ZNF804B: variants seen among roughly 807,000 people sequenced by gnomAD.
The protein encoded by ZNF804B is zinc finger protein 804B.
ZNF804B carries 80 observed loss-of-function variants against 101.4 expected under a neutral mutation model. That is an observed-to-expected ratio of 0.79 (90% CI 0.66 to 0.95). ZNF804B has a LOEUF of 0.95. Among genes scored for constraint, ZNF804B ranks in the 40% least tolerant of loss-of-function variants. ZNF804B has a pLI of 0.00. For missense variants in ZNF804B, 1,673 were observed against 1,561.9 expected, an observed-to-expected ratio of 1.07 and a Z score of -1.20; for synonymous variants, 622 against 558.8, an observed-to-expected ratio of 1.11 and a Z score of -1.59.
intron 2 of ZNF804B, among the ~76,000 whole-genome samples, chr7:89,320,649 A>G (rs997433386): frequency 6.6e-6 from 1 of 152,130 alleles, no homozygotes; most frequent in African/African-American, 2.4e-5. Flanking sequence ...TAAAAGATAC[A>G]AAACTACAGA....
chr7:88,887,632 C>CT (rs1792148122), intron 1 of ZNF804B, among the ~76,000 whole-genome samples: 1 of 151,874 alleles, frequency 6.6e-6, no homozygotes, highest in Non-Finnish European at 1.5e-5. Flanking sequence ...CTGTAAACCA[C>CT]TTTTTAAAAA....
At chr7:89,144,926 A>T (rs77063574) in intron 1 of ZNF804B, among the ~76,000 whole-genome samples, 1 of 151,778 alleles carries the variant, frequency 6.6e-6, no homozygotes, top group Non-Finnish European at 1.5e-5. Context: ...GGCCAAATGG[A>T]GAAACTCCAT....
chr7:89,046,540 C>G (rs1207904122), intron 1 of ZNF804B, among the ~76,000 whole-genome samples: 1 of 152,272 alleles, frequency 6.6e-6, no homozygotes, highest in South Asian at 2.1e-4. Context: ...GTCTGAAATG[C>G]TGTCTAGGTA....
At chr7:88,813,655 G>A (rs1790827691) in intron 1 of ZNF804B, among the ~76,000 whole-genome samples, 1 of 152,022 alleles carries the variant, frequency 6.6e-6, no homozygotes, top group South Asian at 2.1e-4. Flanking sequence ...CTTGGATAAA[G>A]TCTAGACATA....
intron 1 of ZNF804B, among the ~76,000 whole-genome samples, chr7:89,172,865 T>G (rs1791258410): frequency 6.6e-6 from 1 of 152,182 alleles, no homozygotes; most frequent in Non-Finnish European, 1.5e-5. Flanking sequence ...GTAGTGTATA[T>G]TTCATTCTCA....
chr7:89,214,662 G>A (rs750030340), intron 1 of ZNF804B, among the ~76,000 whole-genome samples: 1 of 152,106 alleles, frequency 6.6e-6, no homozygotes, highest in Non-Finnish European at 1.5e-5. Context: ...TTATTCTTAA[G>A]TAGTCTGATC....
chr7:88,971,102 T>G lies in ZNF804B; in HGVS notation c.108+211018T>G, dbSNP rs550953110. On this transcript the variant is annotated intron_variant, in intron 1 of 3. Coordinates refer to ENST00000333190, the MANE Select transcript of ZNF804B (RefSeq NM_181646.5). ...TTCACACTTCAAGCAATGGCAGAAT[T>G]GAGTAGTTGCAACAGCTAGCAGATG... 3.3e-5 allele frequency among the ~76,000 whole-genome samples: 5 copies of G among 151,748 alleles called. No individual in the cohort carries two copies. The East Asian group carries it at 9.8e-4, about 30-fold the overall frequency.
chr7:89,120,922 G>C (rs890245342), intron 1 of ZNF804B, among the ~76,000 whole-genome samples: 2 of 152,178 alleles, frequency 1.3e-5, no homozygotes, highest in African/African-American at 4.8e-5. Flanking sequence ...TACTTGAGAA[G>C]CTACATTGCT....
intron 1 of ZNF804B, among the ~76,000 whole-genome samples, chr7:88,980,140 T>A (rs1793676400): frequency 6.6e-6 from 1 of 152,030 alleles, no homozygotes; most frequent in African/African-American, 2.4e-5. Context: ...TGTGTATACA[T>A]GCTTGATTCT....
intron 1 of ZNF804B, among the ~76,000 whole-genome samples, chr7:89,048,209 C>CACACAG (rs1554359006): frequency 6.7e-6 from 1 of 150,080 alleles, no homozygotes; most frequent in Non-Finnish European, 1.5e-5. Context: ...CACAAACACA[C>CACACAG]ACACACACAC....
intron 2 of ZNF804B, among the ~76,000 whole-genome samples, chr7:89,305,636 A>G (rs1242365197): frequency 2.0e-5 from 3 of 152,038 alleles, no homozygotes; most frequent in South Asian, 4.1e-4. Context: ...CCAATTTTTT[A>G]TCATTATAAT....
intron 1 of ZNF804B, among the ~76,000 whole-genome samples, chr7:88,829,333 C>T (rs146183353): frequency 6.6e-6 from 1 of 152,074 alleles, no homozygotes; most frequent in African/African-American, 2.4e-5. Context: ...GATTAATTCT[C>T]CCAAAGCCAC....
intron 1 of ZNF804B, among the ~76,000 whole-genome samples, chr7:89,214,983 A>G (rs35622905): frequency 0.23 from 34,313 of 152,132 alleles, 4,263 homozygotes; most frequent in Non-Finnish European, 0.27. Flanking sequence ...AAATTACTAA[A>G]TATCAGTTGC....
In ZNF804B at chr7:89,094,590, C is replaced by T. The variant is rs1789943136; in HGVS notation, c.109-123565C>T. ...TTTTAATACGTTAGTCGCTGAGATG[C>T]AGTAGTTTTCCTACCCTGATTGATG... On this transcript the variant is annotated intron_variant, in intron 1 of 3. Coordinates refer to ENST00000333190, the MANE Select transcript of ZNF804B (RefSeq NM_181646.5). Among the ~76,000 whole-genome samples the T allele has an allele frequency of 2.0e-5, 3 of 152,038 alleles. 1 individual carries two copies. In the South Asian group the frequency reaches 6.2e-4, roughly 32 times the overall value.
At chr7:89,327,552 A>AC in intron 3 of ZNF804B, 78 bp downstream of exon 3, 1 of 1,536,794 alleles carries the variant, frequency 6.5e-7, no homozygotes, top group Non-Finnish European at 8.7e-7. Flanking sequence ...ATCTACTGTA[A>AC]CAATGTAAAC....
intron 1 of ZNF804B, among the ~76,000 whole-genome samples, chr7:89,023,732 T>TTTACAATGC (rs1159879847): frequency 6.6e-6 from 1 of 152,206 alleles, no homozygotes; most frequent in Non-Finnish European, 1.5e-5. Flanking sequence ...GACAATGTTC[T>TTTACAATGC]TTACAATGCT....
At chr7:89,157,912 C>T (rs757936716) in intron 1 of ZNF804B, among the ~76,000 whole-genome samples, 1 of 151,948 alleles carries the variant, frequency 6.6e-6, no homozygotes, top group East Asian at 1.9e-4. Flanking sequence ...AAGTTAATAC[C>T]GTAAGTTGAG....
At chr7:89,233,221 T>A (rs1420520504) in intron 2 of ZNF804B, among the ~76,000 whole-genome samples, 1 of 152,138 alleles carries the variant, frequency 6.6e-6, no homozygotes, top group East Asian at 1.9e-4. Flanking sequence ...CCACCGTGCC[T>A]GGCCAATTTA....
intron 1 of ZNF804B, among the ~76,000 whole-genome samples, chr7:89,013,412 A>C (rs1212731218): frequency 6.6e-6 from 1 of 152,222 alleles, no homozygotes; most frequent in African/African-American, 2.4e-5. Flanking sequence ...TGATGGTGGA[A>C]AGGTAACTTC....
Sources: allele counts gnomAD v4.1 joint callset (sites outside exome capture counted in the v4.1 genomes callset), GRCh38; gene constraint gnomAD v4.1.1; transcripts MANE v1.5; gene names NCBI Gene and HGNC (gene_info 2026-07-23, HGNC 2026-07-21).